Variants in SOX6 observed in about 807,000 individuals in gnomAD.
SOX6 encodes SRY-box transcription factor 6.
A neutral mutation model predicts 97.8 loss-of-function variants in SOX6; 11 were observed. The observed-to-expected ratio is 0.11, with a 90% CI of 0.07 to 0.19. The LOEUF (loss-of-function observed/expected upper bound fraction) is 0.19, where lower values mean the gene tolerates loss of function less well. SOX6 is among the 10% of genes least tolerant of loss of function. SOX6 has a pLI of 1.00. For synonymous variants in SOX6, 360 were observed against 371.4 expected (o/e 0.97, Z 0.35); for missense variants, 810 against 1,039.5 (o/e 0.78, Z 3.04).
chr11:16,715,499 A>G (rs2134050316), intron 2 of SOX6, among the ~76,000 whole-genome samples: 1 of 152,250 alleles, frequency 6.6e-6, no homozygotes, highest in African/African-American at 2.4e-5. Context: ...CCCCAAAGAA[A>G]TAGTTTATAA....
chr11:16,417,144 T>A (rs548876878), intron 1 of SOX6, among the ~76,000 whole-genome samples: 88 of 152,250 alleles, frequency 5.8e-4, no homozygotes, highest in East Asian at 2.1e-3. Flanking sequence ...GTGCTTTTTT[T>A]AAAAATTCAT....
intron 4 of SOX6, among the ~76,000 whole-genome samples, chr11:16,557,674 T>C (rs959216831): frequency 3.9e-5 from 6 of 151,912 alleles, no homozygotes; most frequent in Admixed American, 3.3e-4. Context: ...GTTAACTTTA[T>C]AATTATAAAT....
chr11:16,709,565 A>T (rs1245538928), intron 3 of SOX6, among the ~76,000 whole-genome samples: 3 of 152,086 alleles, frequency 2.0e-5, no homozygotes, highest in Non-Finnish European at 4.4e-5. Context: ...ACCATGTGAG[A>T]AGTCTGTTCC....
intron 3 of SOX6, among the ~76,000 whole-genome samples, chr11:16,244,661 G>T (rs1048999938): frequency 4.6e-5 from 7 of 151,778 alleles, no homozygotes; most frequent in African/African-American, 1.7e-4. Flanking sequence ...ATATCCAGTT[G>T]TTCCAGCAAC....
At chr11:16,180,325 G>A (rs1182860060) in intron 6 of SOX6, among the ~76,000 whole-genome samples, 1 of 151,652 alleles carries the variant, frequency 6.6e-6, no homozygotes, top group East Asian at 1.9e-4. Context: ...ACAGTTCAAT[G>A]AGTGGGAGGG....
Position 16,488,583 on chromosome 11 carries a change from A to G in SOX6, n.610-12195T>C, listed in dbSNP as rs532052745. On this transcript the variant is annotated intron_variant and non_coding_transcript_variant, in intron 4 of 5. Transcript: ENST00000524520. ...CCACTTTTTAAAGAGGAATGCCTTA[A>G]GGGTACAAGACCCTACAGTTGTGAC... 2.0e-5 allele frequency among the ~76,000 whole-genome samples: 3 copies of G among 152,250 alleles called. No individual in the cohort carries two copies. In the East Asian group the frequency reaches 5.8e-4, roughly 29 times the overall value.
intron 4 of SOX6, among the ~76,000 whole-genome samples, chr11:16,216,442 G>T (rs530003706): frequency 3.9e-5 from 6 of 152,010 alleles, no homozygotes; most frequent in Non-Finnish European, 8.8e-5. Flanking sequence ...TGAGATTAAT[G>T]TTCCAACCAA....
intron 4 of SOX6, among the ~76,000 whole-genome samples, chr11:16,202,976 C>T (rs1035177491): frequency 6.6e-6 from 1 of 152,086 alleles, no homozygotes; most frequent in Admixed American, 6.5e-5. Flanking sequence ...GTGGATGTTT[C>T]AAGCACTGCT....
At chr11:16,224,072 T>C (rs1852618047) in intron 4 of SOX6, among the ~76,000 whole-genome samples, 2 of 152,070 alleles carry the variant, frequency 1.3e-5, no homozygotes, top group Admixed American at 1.3e-4. Flanking sequence ...AATTAGCCTT[T>C]TAAAAACAAA....
At chr11:16,524,638 T>C (rs977379575) in intron 4 of SOX6, among the ~76,000 whole-genome samples, 9 of 151,420 alleles carry the variant, frequency 5.9e-5, no homozygotes, top group East Asian at 1.9e-4. Context: ...CCAGGGCAAT[T>C]AGGCAGGAGA....
chr11:16,235,452 A>T (rs2134177215), intron 3 of SOX6, among the ~76,000 whole-genome samples: 1 of 152,170 alleles, frequency 6.6e-6, no homozygotes, highest in Non-Finnish European at 1.5e-5. Context: ...TCTGCTCTCT[A>T]TGCAAATGGA....
At chr11:16,161,224 C>T (rs536355616) in intron 6 of SOX6, among the ~76,000 whole-genome samples, 1 of 151,954 alleles carries the variant, frequency 6.6e-6, no homozygotes, top group African/African-American at 2.4e-5. Context: ...TGAGTTGGCT[C>T]CAGCACAACA....
intron 3 of SOX6, among the ~76,000 whole-genome samples, chr11:16,304,742 G>A (rs1366790964): frequency 6.6e-5 from 10 of 151,948 alleles, no homozygotes; most frequent in Admixed American, 4.6e-4. Flanking sequence ...GTTTTGTTCT[G>A]TTTTATTTTG....
chr11:16,319,697 A>G (rs1242678892), intron 2 of SOX6, among the ~76,000 whole-genome samples: 6 of 152,148 alleles, frequency 3.9e-5, no homozygotes, highest in Middle Eastern at 3.4e-3. Flanking sequence ...GCGGCATAGT[A>G]TTTCATTGTG....
chr11:15,983,157 C>A lies in SOX6; in HGVS notation c.2183+3047G>T, dbSNP rs541663301. On this transcript the variant is annotated intron_variant, in intron 15 of 15. Transcript: ENST00000683767. ...ACAAATATACAAAGCCAGATACATA[C>A]ATGAATAGATTAGCATATAATAGTG... Among the ~76,000 whole-genome samples, 12 of 152,106 alleles carry A rather than the reference C, an allele frequency of 7.9e-5. No homozygotes were observed. In the East Asian group the frequency reaches 1.7e-3, roughly 22 times the overall value.
At chr11:16,681,650 C>T (rs1451863526) in intron 3 of SOX6, among the ~76,000 whole-genome samples, 1 of 151,810 alleles carries the variant, frequency 6.6e-6, no homozygotes, top group Non-Finnish European at 1.5e-5. Flanking sequence ...AAAAACCTTT[C>T]AAAAAAATCA....
chr11:16,118,480 T>C (rs1193734600), intron 6 of SOX6, among the ~76,000 whole-genome samples: 2 of 152,262 alleles, frequency 1.3e-5, no homozygotes, highest in Non-Finnish European at 2.9e-5. Context: ...TCCCCTTTGT[T>C]TTCTCTGTGC....
chr11:16,142,365 C>T (rs1367083301), intron 6 of SOX6, among the ~76,000 whole-genome samples: 1 of 152,132 alleles, frequency 6.6e-6, no homozygotes, highest in Non-Finnish European at 1.5e-5. Flanking sequence ...TCACCATCAT[C>T]AAAGACCAAA....
intron 4 of SOX6, among the ~76,000 whole-genome samples, chr11:16,213,605 C>T (rs1358464474): frequency 6.6e-6 from 1 of 152,104 alleles, no homozygotes; most frequent in Admixed American, 6.5e-5. Context: ...AAGTAACCCA[C>T]AAAAGCTGAT....
Sources: gnomAD v4.1 joint callset for allele counts (sites outside exome capture counted in the v4.1 genomes callset) on GRCh38, gnomAD v4.1.1 for gene constraint, MANE v1.5 for transcripts, NCBI Gene and HGNC (gene_info 2026-07-23, HGNC 2026-07-21) for gene names.